Variants in TSHZ2 observed in about 807,000 individuals in gnomAD.
TSHZ2 encodes teashirt zinc finger homeobox 2, also known as teashirt homolog 2.
In TSHZ2, 21 loss-of-function variants were observed where a neutral mutation model predicts 74.4. The observed-to-expected ratio is 0.28, with a 90% CI of 0.20 to 0.41. The LOEUF (loss-of-function observed/expected upper bound fraction) is 0.41, where lower values mean the gene tolerates loss of function less well. Among genes scored for constraint, TSHZ2 ranks in the 10% least tolerant of loss-of-function variants. TSHZ2 has a pLI of 1.00. For missense variants in TSHZ2, 1,244 were observed against 1,293.5 expected, an observed-to-expected ratio of 0.96 and a Z score of 0.59; for synonymous variants, 540 against 515.3, an observed-to-expected ratio of 1.05 and a Z score of -0.65.
intron 2 of TSHZ2, among the ~76,000 whole-genome samples, chr20:53,319,925 G>A (rs1464524532): frequency 6.6e-6 from 1 of 152,144 alleles, no homozygotes; most frequent in Non-Finnish European, 1.5e-5. Context: ...GATACCAAAT[G>A]TTTCTCATTT....
chr20:53,268,574 C>G (rs1010338314), intron 2 of TSHZ2, among the ~76,000 whole-genome samples: 2 of 152,184 alleles, frequency 1.3e-5, no homozygotes, highest in Non-Finnish European at 2.9e-5. Context: ...TCTTCTTTCC[C>G]TGTGATGAGT....
At chr20:53,152,048 T>C (rs1222740474) in intron 1 of TSHZ2, among the ~76,000 whole-genome samples, 1 of 152,190 alleles carries the variant, frequency 6.6e-6, no homozygotes. Context: ...TGGTCCAAGG[T>C]TGACAAACTC....
At chr20:53,008,483 C>T (rs761205054) in intron 1 of TSHZ2, among the ~76,000 whole-genome samples, 18 of 151,278 alleles carry the variant, frequency 1.2e-4, no homozygotes, top group Non-Finnish European at 2.2e-4. Flanking sequence ...CTTCCCCTGA[C>T]AGTCAGAAAA....
At chr20:53,277,451 A>G (rs1355582088) in intron 2 of TSHZ2, among the ~76,000 whole-genome samples, 1 of 145,872 alleles carries the variant, frequency 6.9e-6, no homozygotes, top group African/African-American at 2.7e-5. Flanking sequence ...CCAAAAAACT[A>G]AAAAACAGGA....
chr20:53,468,442 T>C (rs777396076), intron 2 of TSHZ2, among the ~76,000 whole-genome samples: 6 of 152,174 alleles, frequency 3.9e-5, no homozygotes, highest in Non-Finnish European at 7.4e-5. Flanking sequence ...ACCTCCACTC[T>C]TGGGAGGCCC....
intron 2 of TSHZ2, among the ~76,000 whole-genome samples, chr20:53,357,439 A>G (rs1011568214): frequency 6.6e-5 from 10 of 152,134 alleles, no homozygotes; most frequent in African/African-American, 2.2e-4. Context: ...CTGAAGTGGG[A>G]GAATCACTTG....
At chr20:53,065,572 C>T (rs1984955443) in intron 1 of TSHZ2, among the ~76,000 whole-genome samples, 1 of 152,198 alleles carries the variant, frequency 6.6e-6, no homozygotes, top group Non-Finnish European at 1.5e-5. Flanking sequence ...GCAACACAGT[C>T]GGGACCCAGG....
chr20:53,462,234 A>G (rs764204876), intron 2 of TSHZ2, among the ~76,000 whole-genome samples: 13 of 152,192 alleles, frequency 8.5e-5, no homozygotes, highest in Non-Finnish European at 1.8e-4. Flanking sequence ...AGCCTGGGTG[A>G]CACTGCAAAA....
intron 1 of TSHZ2, among the ~76,000 whole-genome samples, chr20:52,986,922 T>TTG (rs369192422): frequency 3.0e-4 from 45 of 151,258 alleles, no homozygotes; most frequent in East Asian, 1.6e-3. Context: ...TTTGTGTGTT[T>TTG]TGTGTGTGTG....
chr20:52,977,277 TC>T (rs756146673), intron 1 of TSHZ2, among the ~76,000 whole-genome samples: 1 of 152,162 alleles, frequency 6.6e-6, no homozygotes, highest in Non-Finnish European at 1.5e-5. Context: ...AGACTAGGAA[TC>T]GGGTAGATTT....
intron 1 of TSHZ2, among the ~76,000 whole-genome samples, chr20:53,148,589 G>C (rs1987598545): frequency 6.6e-6 from 1 of 152,110 alleles, no homozygotes; most frequent in African/African-American, 2.4e-5. Context: ...GTGGATCTAA[G>C]TGCAGTGGTT....
chr20:52,973,108 G>A lies in TSHZ2; in HGVS notation c.-186G>A. On this transcript the variant is annotated 5_prime_UTR_variant, in exon 1 of 3. Transcript: ENST00000371497. Reference sequence around the variant, plus strand: ...AAGCCACCCGTGTCTGCCACCCAGAGAGGGGGGTCTCTGGCCCGTGGTGGA... The same window carrying A: ...AAGCCACCCGTGTCTGCCACCCAGAAAGGGGGGTCTCTGGCCCGTGGTGGA... 1.5e-6 allele frequency: 1 copy of A among 651,956 alleles called. No individual in the cohort carries two copies. 40.4% of individuals were successfully genotyped at this position (651,956 alleles called of 1,614,324 possible). A position where few individuals can be genotyped will look rare whatever the true frequency, so the allele number is the denominator to read the frequency against.
chr20:53,032,043 A>G (rs1236146115), intron 1 of TSHZ2, among the ~76,000 whole-genome samples: 1 of 152,168 alleles, frequency 6.6e-6, no homozygotes, highest in Non-Finnish European at 1.5e-5. Context: ...GGATTTAGTT[A>G]TGGGTCTGAT....
chr20:53,093,679 A>G (rs1052789601), intron 1 of TSHZ2, among the ~76,000 whole-genome samples: 5 of 152,278 alleles, frequency 3.3e-5, no homozygotes, highest in South Asian at 2.1e-4. Flanking sequence ...TTCTCTTACC[A>G]TAACTATTTT....
intron 2 of TSHZ2, among the ~76,000 whole-genome samples, chr20:53,346,965 C>G (rs1365010792): frequency 6.6e-6 from 1 of 152,114 alleles, no homozygotes; most frequent in Non-Finnish European, 1.5e-5. Flanking sequence ...CTTGGAGTGT[C>G]CCAGTTCTCA....
intron 1 of TSHZ2, among the ~76,000 whole-genome samples, chr20:53,067,953 G>A (rs1261773797): frequency 6.6e-6 from 1 of 152,134 alleles, no homozygotes; most frequent in Non-Finnish European, 1.5e-5. Context: ...TCTGGTTGTG[G>A]CCAGCAATCC....
At chr20:53,358,067 A>G (rs1980910635) in intron 2 of TSHZ2, among the ~76,000 whole-genome samples, 1 of 152,168 alleles carries the variant, frequency 6.6e-6, no homozygotes, top group Non-Finnish European at 1.5e-5. Context: ...CACATGGACG[A>G]CCGCAAACTC....
chr20:53,321,382 G>T (rs1344488603), intron 2 of TSHZ2, among the ~76,000 whole-genome samples: 1 of 152,030 alleles, frequency 6.6e-6, no homozygotes, highest in Non-Finnish European at 1.5e-5. Flanking sequence ...ATCCATTTGT[G>T]TGATGCTTTA....
At chr20:53,205,495 A>G (rs1483763313) in intron 1 of TSHZ2, among the ~76,000 whole-genome samples, 1 of 152,224 alleles carries the variant, frequency 6.6e-6, no homozygotes, top group Non-Finnish European at 1.5e-5. Context: ...GAAGTTCCAA[A>G]TGTTAAGAAA....
Sources: allele counts gnomAD v4.1 joint callset (sites outside exome capture counted in the v4.1 genomes callset), GRCh38; gene constraint gnomAD v4.1.1; transcripts MANE v1.5; gene names NCBI Gene and HGNC (gene_info 2026-07-23, HGNC 2026-07-21).